The following PCCB variants were observed in gnomAD, a reference collection of about 807,000 sequenced individuals.
The protein encoded by PCCB is propionyl-CoA carboxylase subunit beta, also known as propionyl-CoA carboxylase beta chain, mitochondrial.
Under a neutral mutation model 60.7 loss-of-function variants are expected in PCCB, and 43 were observed. The ratio of observed to expected loss-of-function variants is 0.71; its 90% CI spans 0.55 to 0.91. The LOEUF is 0.91. Ranked by LOEUF, PCCB falls within the 40% of genes least tolerant of loss-of-function variation. The pLI is 0.00. For synonymous variants in PCCB, 276 were observed against 255.9 expected, an observed-to-expected ratio of 1.08 and a Z score of -0.75; for missense variants, 766 against 702.8, an observed-to-expected ratio of 1.09 and a Z score of -1.02.
At chr3:136,268,239 A>C (rs1307195789) in intron 5 of PCCB, among the ~76,000 whole-genome samples, 1 of 150,204 alleles carries the variant, frequency 6.7e-6, no homozygotes, top group Admixed American at 6.7e-5. Flanking sequence ...GTGACAGAAG[A>C]GTCTAACATC....
rs1340744213 is a variant in PCCB at position 136,296,399 on chromosome 3, A to G, written c.764-1553A>G. On this transcript the variant is annotated intron_variant, in intron 7 of 14. Transcript: ENST00000251654. ...GTAACTGGTTGCTTTTACTTAGCATAATGTTGTTAAAGGCTCATCCATGTT... is the reference window on the plus strand; with the variant it reads ...GTAACTGGTTGCTTTTACTTAGCATGATGTTGTTAAAGGCTCATCCATGTT... Among the ~76,000 whole-genome samples, 5 of 152,208 alleles carry G rather than the reference A, an allele frequency of 3.3e-5. No individual in the cohort carries two copies. The South Asian group carries it at 1.0e-3, about 31-fold the overall frequency.
chr3:136,299,761 T>C (rs956653068), intron 8 of PCCB, among the ~76,000 whole-genome samples: 1 of 150,656 alleles, frequency 6.6e-6, no homozygotes, highest in Non-Finnish European at 1.5e-5. Flanking sequence ...CATGTGTGTG[T>C]ATGTATAGGT....
chr3:136,294,176 T>A (rs1400202896), intron 7 of PCCB, among the ~76,000 whole-genome samples: 2 of 152,186 alleles, frequency 1.3e-5, no homozygotes, highest in Non-Finnish European at 1.5e-5. Flanking sequence ...GTTGAACCTT[T>A]GAAAAAAAAT....
At chr3:136,326,031 C>G (rs925117691) in intron 10 of PCCB, among the ~76,000 whole-genome samples, 6 of 151,704 alleles carry the variant, frequency 4.0e-5, no homozygotes, top group African/African-American at 1.5e-4. Flanking sequence ...CCAGGATGGT[C>G]TCGATCTCTT....
intron 3 of PCCB, chr3:136,259,181 A>T: frequency 6.8e-7 from 1 of 1,462,902 alleles, no homozygotes; most frequent in South Asian, 1.4e-5. Flanking sequence ...AACAGCAAAT[A>T]ATAGGCTGGG....
At chr3:136,291,033 C>T (rs1331894990) in intron 6 of PCCB, among the ~76,000 whole-genome samples, 1 of 152,058 alleles carries the variant, frequency 6.6e-6, no homozygotes, top group East Asian at 1.9e-4. Context: ...TGCAGTGTTT[C>T]CAATCCCTGG....
chr3:136,308,677 T>C (rs963882489), intron 9 of PCCB, among the ~76,000 whole-genome samples: 7 of 152,172 alleles, frequency 4.6e-5, no homozygotes, highest in Non-Finnish European at 5.9e-5. Context: ...CAAAAGTTGA[T>C]CATATGTATT....
intron 4 of PCCB, among the ~76,000 whole-genome samples, chr3:136,260,908 G>C (rs1213068674): frequency 6.6e-6 from 1 of 152,118 alleles, no homozygotes; most frequent in Non-Finnish European, 1.5e-5. Flanking sequence ...ATATTTCAGG[G>C]TATCTGCAAC....
chr3:136,319,025 C>A (rs2108228951), intron 10 of PCCB, among the ~76,000 whole-genome samples: 1 of 152,298 alleles, frequency 6.6e-6, no homozygotes, highest in African/African-American at 2.4e-5. Flanking sequence ...ATTTTACATT[C>A]CCACCAGCAA....
rs1241139909 is a variant in PCCB at position 136,304,147 on chromosome 3, C to T, written c.966+3036C>T. On this transcript the variant is annotated intron_variant, in intron 9 of 14. Coordinates refer to ENST00000251654, the MANE Select transcript of PCCB (RefSeq NM_000532.5). The stretch of plus-strand genomic sequence containing the variant: ...CAGAAAGAGATCTCTGGTATCTCTT[C>T]GTCTTTTTTTTTTTTTTTTCCCTCA... 8.2e-5 allele frequency among the ~76,000 whole-genome samples: 9 copies of T among 110,410 alleles called. 2 individuals carry two copies. The highest frequency in any genetic ancestry group is 1.3e-4 in the African/African-American group (5 of 37,994). 72.4% of individuals were successfully genotyped at this position (110,410 alleles called of 152,430 possible). A position where few individuals can be genotyped will look rare whatever the true frequency, so the allele number is the denominator to read the frequency against.
At chr3:136,279,817 A>G (rs368317292) in intron 5 of PCCB, among the ~76,000 whole-genome samples, 1,844 of 151,958 alleles carry the variant, frequency 0.012, 32 homozygotes, top group East Asian at 0.046. Flanking sequence ...ACAGGCGCGC[A>G]CCACCATGCC....
At chr3:136,326,400 G>C in intron 10 of PCCB, 1 of 702,754 alleles carries the variant, frequency 1.4e-6, no homozygotes, top group Non-Finnish European at 2.6e-6. Flanking sequence ...GGAACCTTAG[G>C]TCAAAAGGCA....
At chr3:136,255,611 G>T (rs1348943488) in intron 1 of PCCB, 1 of 528,246 alleles carries the variant, frequency 1.9e-6, no homozygotes, top group African/African-American at 1.9e-5. Context: ...CCTTTTCCTC[G>T]TCCTATTTCC....
intron 5 of PCCB, among the ~76,000 whole-genome samples, chr3:136,282,766 G>A (rs1316059707): frequency 6.6e-6 from 1 of 152,248 alleles, no homozygotes; most frequent in East Asian, 1.9e-4. Flanking sequence ...TTGAATTATA[G>A]TCTGGTGTTA....
intron 5 of PCCB, among the ~76,000 whole-genome samples, chr3:136,268,098 A>ACGTATATATATATATATATATATATG (rs1942073255): frequency 8.7e-6 from 1 of 115,538 alleles, no homozygotes; most frequent in Non-Finnish European, 1.7e-5. Flanking sequence ...ATATATATAT[A>ACGTATATATATATATATATATATATG]TATATATATA....
At chr3:136,262,129 G>T in intron 5 of PCCB, 64 bp downstream of exon 5, 1 of 1,036,516 alleles carries the variant, frequency 9.6e-7, no homozygotes. Flanking sequence ...CCATGGCCTG[G>T]CCAGAGCTTC....
intron 3 of PCCB, among the ~76,000 whole-genome samples, chr3:136,259,719 AT>A: frequency 6.6e-6 from 1 of 152,146 alleles, no homozygotes; most frequent in East Asian, 1.9e-4. Context: ...TTCTTTTCTA[AT>A]TTTTTAAACT....
In PCCB at chr3:136,268,052, G is replaced by A. The variant is rs536097866; in HGVS notation, c.543+5987G>A. Reference sequence around the variant, plus strand: ...GTGCCTGCCACCAAACCTGGCTAGTGTGTGTGTGTGTGCGTGTGTGTGTGT... The same window carrying A: ...GTGCCTGCCACCAAACCTGGCTAGTATGTGTGTGTGTGCGTGTGTGTGTGT... On this transcript the variant is annotated intron_variant, in intron 5 of 14. Transcript: ENST00000251654. 2.2e-3 allele frequency among the ~76,000 whole-genome samples: 222 copies of A among 100,364 alleles called. 1 individual carries two copies. The highest frequency in any genetic ancestry group is 4.4e-3 in the Non-Finnish European group (202 of 46,250). The allele number at this position is 100,364 out of a possible 152,430, so 65.8% of individuals were successfully genotyped here. A position where few individuals can be genotyped will look rare whatever the true frequency, so the allele number is the denominator to read the frequency against.
At chr3:136,326,177 T>C in intron 10 of PCCB, 1 of 571,324 alleles carries the variant, frequency 1.8e-6, no homozygotes, top group South Asian at 2.3e-5. Flanking sequence ...AATTTTTCAT[T>C]TATGTTTTTG....
Sources: allele counts gnomAD v4.1 joint callset (sites outside exome capture counted in the v4.1 genomes callset), GRCh38; gene constraint gnomAD v4.1.1; transcripts MANE v1.5; gene names NCBI Gene and HGNC (gene_info 2026-07-23, HGNC 2026-07-21).